The following TACC2 variants were observed in gnomAD, a reference collection of about 807,000 sequenced individuals.
TACC2 encodes the protein transforming acidic coiled-coil-containing protein 2.
In TACC2, 137 loss-of-function variants were observed where a neutral mutation model predicts 227.3. That is an observed-to-expected ratio of 0.60 (90% CI 0.52 to 0.69). TACC2 has a LOEUF of 0.69. TACC2 is among the 30% of genes least tolerant of loss of function. The pLI, the probability that TACC2 is intolerant of heterozygous loss-of-function variation, is 0.00. For synonymous variants in TACC2, 1,523 were observed against 1,487.5 expected, an observed-to-expected ratio of 1.02 and a Z score of -0.55; for missense variants, 3,470 against 3,694.4, an observed-to-expected ratio of 0.94 and a Z score of 1.57.
At chr10:122,196,146 T>G (rs2094561634) in intron 8 of TACC2, among the ~76,000 whole-genome samples, 1 of 152,242 alleles carries the variant, frequency 6.6e-6, no homozygotes, top group Non-Finnish European at 1.5e-5. Context: ...GTACTTGCCC[T>G]GGCCAGGAGC....
intron 2 of TACC2, among the ~76,000 whole-genome samples, chr10:122,047,825 G>A (rs530562014): frequency 3.9e-5 from 6 of 152,332 alleles, no homozygotes; most frequent in African/African-American, 9.6e-5. Flanking sequence ...ATTTATTGCT[G>A]TTGTTCTCTT....
intron 5 of TACC2, among the ~76,000 whole-genome samples, chr10:122,110,743 C>T (rs1386591873): frequency 6.6e-6 from 1 of 152,202 alleles, no homozygotes; most frequent in Non-Finnish European, 1.5e-5. Flanking sequence ...ACAGTAATAA[C>T]CAGGTACCTA....
chr10:122,014,640 C>A (rs7919340), intron 1 of TACC2, among the ~76,000 whole-genome samples: 1 of 151,920 alleles, frequency 6.6e-6, no homozygotes, highest in African/African-American at 2.4e-5. Context: ...CCTGCTCTGC[C>A]CACTGTGGCT....
intron 16 of TACC2, among the ~76,000 whole-genome samples, chr10:122,232,827 AGCTGTGTATCCAATTT>A (rs1010645438): frequency 1.3e-5 from 2 of 152,204 alleles, no homozygotes; most frequent in African/African-American, 4.8e-5. Flanking sequence ...AGAAAACAGC[AGCTGTGTATCCAATTT>A]GCCTTTTTTT....
At chr10:122,043,565 TCTCTTTCTTTCTTC>T (rs2074604714) in intron 2 of TACC2, among the ~76,000 whole-genome samples, 2 of 10,802 alleles carry the variant, frequency 1.9e-4, no homozygotes, top group South Asian at 3.7e-3. Flanking sequence ...TCTCTCTCTC[TCTCTTTCTTTCTTC>T]CTTTCTTCCT....
intron 8 of TACC2, among the ~76,000 whole-genome samples, chr10:122,197,981 A>G (rs2094632975): frequency 6.6e-6 from 1 of 152,272 alleles, no homozygotes; most frequent in South Asian, 2.1e-4. Context: ...GAAGGGTACC[A>G]GGGGAAAATC....
intron 3 of TACC2, among the ~76,000 whole-genome samples, chr10:122,081,856 G>C (rs2079545974): frequency 6.6e-6 from 1 of 152,152 alleles, no homozygotes; most frequent in Non-Finnish European, 1.5e-5. Context: ...TGTTAAATGT[G>C]AAGAATCAAG....
chr10:122,086,204 C>T lies in TACC2; in HGVS notation c.3704C>T (p.Thr1235Ile), dbSNP rs2080080371. 1 of 1,613,748 alleles carries T rather than the reference C, an allele frequency of 6.2e-7. No homozygotes were observed. The highest frequency in any genetic ancestry group is 1.7e-5 in the Admixed American group (1 of 60,034). Residue 1235 changes from threonine to isoleucine, a missense_variant, in exon 4 of 23, where the codon ACC becomes ATC. By Grantham distance (89) the Thr-to-Ile change is moderately conservative. Around this residue, in one of 10 missense-constraint regions of TACC2, gnomAD observed 1,924 missense variants for 1,978.3 expected, o/e 0.97. Coordinates refer to ENST00000369005, the MANE Select transcript of TACC2 (RefSeq NM_206862.4). ...CCACCAGAAGTGGCTGCTCCTGACA[C>T]CCCTTACCTGCATGTCGACAGTGCT... ...SGPPEVAAPD[T>I]PYLHVDSAAQ...
At position 122,242,895 on chromosome 10, in the gene TACC2, A is replaced by G. The variant is rs142911840; in HGVS notation, c.8392+894A>G. ...GCGATCCTCCTGCCTTGGTTGCCCA[A>G]TGTCCTGGGATTACAAGGCGTGAGC... On this transcript the variant is annotated intron_variant, in intron 19 of 22. Coordinates refer to ENST00000369005, the MANE Select transcript of TACC2 (RefSeq NM_206862.4). Among the ~76,000 whole-genome samples the G allele has an allele frequency of 5.1e-4, 77 of 152,212 alleles. 2 individuals are homozygous for G. The East Asian group carries it at 0.011, about 21-fold the overall frequency.
chr10:122,241,432 C>G (rs769698523), intron 18 of TACC2, among the ~76,000 whole-genome samples: 2 of 152,156 alleles, frequency 1.3e-5, no homozygotes, highest in Non-Finnish European at 2.9e-5. Flanking sequence ...GCTAGGATCA[C>G]AGACGCAGAC....
chr10:122,223,466 A>G (rs1265551644), intron 11 of TACC2, among the ~76,000 whole-genome samples: 1 of 152,152 alleles, frequency 6.6e-6, no homozygotes, highest in Admixed American at 6.5e-5. Flanking sequence ...ACTCATCTTT[A>G]TTCAGGATGC....
At chr10:122,168,182 G>A (rs77841866) in intron 7 of TACC2, among the ~76,000 whole-genome samples, 5,916 of 152,068 alleles carry the variant, frequency 0.039, 187 homozygotes, top group Non-Finnish European at 0.056. Flanking sequence ...TGGGATCACA[G>A]GCATGAGCCA....
intron 7 of TACC2, among the ~76,000 whole-genome samples, chr10:122,164,796 C>A (rs2093051939): frequency 6.6e-6 from 1 of 152,162 alleles, no homozygotes; most frequent in Non-Finnish European, 1.5e-5. Context: ...TCACCTGCCC[C>A]CACTTTTCCA....
intron 18 of TACC2, among the ~76,000 whole-genome samples, chr10:122,238,545 G>T (rs927960756): frequency 1.3e-5 from 2 of 152,118 alleles, no homozygotes; most frequent in Non-Finnish European, 2.9e-5. Flanking sequence ...ACTCTGCCAG[G>T]TTCAAGTGAT....
At chr10:122,076,026 C>T (rs2078757912) in intron 3 of TACC2, among the ~76,000 whole-genome samples, 1 of 152,146 alleles carries the variant, frequency 6.6e-6, no homozygotes, top group African/African-American at 2.4e-5. Flanking sequence ...TCTTGAACTC[C>T]TGATCTCAGG....
chr10:122,202,997 A>AT (rs2094928918), intron 8 of TACC2, among the ~76,000 whole-genome samples: 2 of 151,848 alleles, frequency 1.3e-5, no homozygotes, highest in African/African-American at 4.8e-5. Flanking sequence ...GATCAACAGG[A>AT]TCCCAAGGCA....
intron 7 of TACC2, among the ~76,000 whole-genome samples, chr10:122,158,297 G>A (rs2092612651): frequency 6.6e-6 from 1 of 151,942 alleles, no homozygotes; most frequent in Non-Finnish European, 1.5e-5. Context: ...GCTGAGGGAG[G>A]AGAATTGCTT....
chr10:122,073,540 G>A lies in TACC2; in HGVS notation c.147-9107G>A, dbSNP rs576083121. Among the ~76,000 whole-genome samples, 54 of 152,264 alleles carry A rather than the reference G, an allele frequency of 3.5e-4. 1 individual carries two copies. The South Asian group carries it at 4.8e-3, about 13-fold the overall frequency. On this transcript the variant is annotated intron_variant, in intron 3 of 22. Coordinates refer to ENST00000369005, the MANE Select transcript of TACC2 (RefSeq NM_206862.4). The stretch of plus-strand genomic sequence containing the variant: ...CTTACCAATTCTTCTTTTAATGTAA[G>A]GCTGTGCTTTCCACAGTGTGTTCTG...
At position 122,007,708 on chromosome 10, in the gene TACC2, CTT is replaced by C. The variant is rs1955354297; in HGVS notation, c.-45-14226_-45-14225del. On this transcript the variant is annotated intron_variant, in intron 1 of 22. Transcript: ENST00000369005. ...CTCTTTTCTTTTCATAGAACTCTAA[CTT>C]TTCTTTTTTTTCTTTCTTTTCCCCA... Among the ~76,000 whole-genome samples the C allele has an allele frequency of 2.0e-5, 3 of 152,124 alleles. No homozygotes were observed. In the South Asian group the frequency reaches 6.2e-4, roughly 31 times the overall value.
Sources: allele counts gnomAD v4.1 joint callset (sites outside exome capture counted in the v4.1 genomes callset), GRCh38; gene constraint gnomAD v4.1.1; regional missense constraint gnomAD v4.1.1; transcripts MANE v1.5; gene names NCBI Gene and HGNC (gene_info 2026-07-23, HGNC 2026-07-21).